The following UPF3B variants were observed in gnomAD, a reference collection of about 807,000 sequenced individuals.
UPF3B encodes the protein regulator of nonsense transcripts 3B.
In UPF3B, 7 loss-of-function variants were observed where a neutral mutation model predicts 40.3. The ratio of observed to expected loss-of-function variants is 0.17; its 90% confidence interval spans 0.10 to 0.33. The LOEUF (loss-of-function observed/expected upper bound fraction) is 0.33, where lower values mean the gene tolerates loss of function less well. Ranked by LOEUF, UPF3B falls within the 10% of genes least tolerant of loss-of-function variation. The pLI is 1.00. For synonymous variants in UPF3B, 117 were observed against 117.3 expected (o/e 1.00, Z 0.01); for missense variants, 229 against 358.9 (o/e 0.64, Z 2.93).
chrX:119,829,255 C>T (rs993719745), downstream of UPF3B, among the ~76,000 whole-genome samples: 7 of 111,851 alleles, frequency 6.3e-5, no homozygotes, highest in Non-Finnish European at 1.1e-4. Flanking sequence ...CTCCTGACCT[C>T]GTGATCTGCC....
intron 3 of UPF3B, among the ~76,000 whole-genome samples, chrX:119,851,211 T>A (rs1004055703): frequency 1.7e-4 from 19 of 112,393 alleles, no homozygotes; most frequent in African/African-American, 6.1e-4. Context: ...GAGTCACTTA[T>A]CAGTACTGCG....
chrX:119,813,678 C>T (rs188205459), intron 5 of UPF3B, among the ~76,000 whole-genome samples: 1 of 108,427 alleles, frequency 9.2e-6, no homozygotes, highest in East Asian at 2.9e-4. Context: ...TCTCCTGCCT[C>T]GGCCTCCCGA....
chrX:119,831,691 G>C, downstream of UPF3B: 62 of 754,539 alleles, frequency 8.2e-5, no homozygotes, highest in Non-Finnish European at 9.5e-5. Context: ...AGTTGGTGCT[G>C]TCATCAGGAA....
chrX:119,841,365 CT>C, intron 6 of UPF3B, 107 bp from the exon 7 acceptor site: 2 of 1,154,213 alleles, frequency 1.7e-6, no homozygotes, highest in African/African-American at 3.6e-5. Flanking sequence ...TTCCTTCCTA[CT>C]TTCTACAAAG....
In UPF3B at chrX:119,852,863, G is replaced by A. The variant is rs890947408; in HGVS notation, c.66C>T (p.Ala22=). The A allele has an allele frequency of 2.5e-6, 3 of 1,212,211 alleles. No homozygotes were observed. Among genetic ancestry groups the A allele is most frequent in the Non-Finnish European group, 3.3e-6 (3 of 895,581 alleles). The part of the protein sequence containing the change: ...KRVTLLTPAG[A]TGSGGGTSGD... Reference sequence around the variant, plus strand: ...CCGAGGTCCCACCACCGCTGCCTGTGGCCCCGGCGGGGGTTAACAGGGTTA... The same window carrying A: ...CCGAGGTCCCACCACCGCTGCCTGTAGCCCCGGCGGGGGTTAACAGGGTTA... Residue 22 remains alanine, a synonymous_variant, in exon 1 of 11, where the codon GCC becomes GCT. Coordinates refer to ENST00000276201, the MANE Select transcript of UPF3B (RefSeq NM_080632.3).
intron 8 of UPF3B, 44 bp downstream of exon 8, chrX:119,840,602 G>A: frequency 8.6e-7 from 1 of 1,157,764 alleles, no homozygotes; most frequent in Non-Finnish European, 1.2e-6. Context: ...ACCTGTGTGT[G>A]TGACATGATA....
rs376342652 is a variant in UPF3B at position 119,849,586 on chromosome X, T to C, written c.370+1909A>G. 3.9e-4 allele frequency among the ~76,000 whole-genome samples: 42 copies of C among 109,010 alleles called. No homozygotes were observed. In the East Asian group the frequency reaches 6.6e-3, roughly 17 times the overall value. 94.7% of individuals were successfully genotyped at this position (109,010 alleles called of 115,157 possible). ...TGTGATATATTTGAGAAGGAATAGATAAACCAGACTGAAACAGAGGGAAAT... is the reference window on the plus strand; with the variant it reads ...TGTGATATATTTGAGAAGGAATAGACAAACCAGACTGAAACAGAGGGAAAT... On this transcript the variant is annotated intron_variant, in intron 3 of 10. Transcript: ENST00000276201.
At chrX:119,828,575 G>A (rs749804957) in intron 3 of UPF3B, among the ~76,000 whole-genome samples, 38 of 109,845 alleles carry the variant, frequency 3.5e-4, no homozygotes, top group African/African-American at 1.1e-3. Flanking sequence ...AAGAAGCTGT[G>A]GTGGGAGAAT....
At chrX:119,817,329 T>C (rs932129728) in intron 4 of UPF3B, among the ~76,000 whole-genome samples, 3 of 111,802 alleles carry the variant, frequency 2.7e-5, no homozygotes, top group African/African-American at 9.7e-5. Flanking sequence ...CTTACAATCA[T>C]GGCAGAAGGG....
At chrX:119,836,656 T>C (rs1050399743) in intron 10 of UPF3B, among the ~76,000 whole-genome samples, 1 of 108,278 alleles carries the variant, frequency 9.2e-6, no homozygotes, top group Non-Finnish European at 1.9e-5. Context: ...TATTCGATTT[T>C]TTTTTTTTTT....
intron 4 of UPF3B, among the ~76,000 whole-genome samples, chrX:119,844,929 C>T (rs778678484): frequency 8.9e-6 from 1 of 112,202 alleles, no homozygotes; most frequent in South Asian, 3.6e-4. Flanking sequence ...ATCAATAAAC[C>T]TATGGTGATT....
At chrX:119,831,218 G>A, downstream of UPF3B, among the ~76,000 whole-genome samples, 1 of 111,433 alleles carries the variant, frequency 9.0e-6, no homozygotes, top group Non-Finnish European at 1.9e-5. Flanking sequence ...CTATTCTTTT[G>A]CCCTGAAGGC....
chrX:119,819,952 C>T (rs1197871756), intron 4 of UPF3B, among the ~76,000 whole-genome samples: 1 of 102,997 alleles, frequency 9.7e-6, no homozygotes, highest in Non-Finnish European at 2.0e-5. Context: ...TCAAACGATT[C>T]TCTAGCCTCA....
At chrX:119,809,750 A>G (rs143499290) in intron 5 of UPF3B, among the ~76,000 whole-genome samples, 1 of 111,593 alleles carries the variant, frequency 9.0e-6, no homozygotes, top group Non-Finnish European at 1.9e-5. Flanking sequence ...ACCAAAACAA[A>G]CTGGTACTAA....
chrX:119,808,314 A>G (rs2055807751), intron 5 of UPF3B, among the ~76,000 whole-genome samples: 1 of 108,961 alleles, frequency 9.2e-6, no homozygotes, highest in Admixed American at 1.0e-4. Flanking sequence ...ATATCAATTA[A>G]AGATGGATTT....
chrX:119,841,951 C>T (rs954890558), intron 5 of UPF3B, among the ~76,000 whole-genome samples, 173 bp from the exon 6 acceptor site: 2 of 111,969 alleles, frequency 1.8e-5, no homozygotes, highest in African/African-American at 3.2e-5. Context: ...TTCAACAATA[C>T]GGGATTAAAA....
Position 119,838,525 on chromosome X carries a change from C to T in UPF3B, c.849G>A (p.Leu283=). The change falls in exon 9 of 11, where the codon CTG becomes CTA. Residue 283 remains leucine (L), a splice_region_variant and synonymous_variant. Coordinates refer to ENST00000276201, the MANE Select transcript of UPF3B (RefSeq NM_080632.3). ...CATCTCCTTTTTCTGGCTTCTTGAG[C>T]AGCTTTAAAGATAAAATGTTTATTT... The part of the protein sequence containing the change: ...FLLQAVNQKN[L]LKKPEKGDEK... The T allele has an allele frequency of 8.3e-7, 1 of 1,209,477 alleles. No individual in the cohort carries two copies.
At chrX:119,814,100 A>G (rs1386677560) in intron 5 of UPF3B, among the ~76,000 whole-genome samples, 1 of 111,977 alleles carries the variant, frequency 8.9e-6, no homozygotes, top group Non-Finnish European at 1.9e-5. Context: ...TACTCACTAC[A>G]CTTAACTTCA....
At chrX:119,807,441 T>C in intron 6 of UPF3B, 2 of 877,131 alleles carry the variant, frequency 2.3e-6, no homozygotes, top group East Asian at 1.5e-4. Context: ...TAACACTCCC[T>C]TCCTCCTTCT....
Sources: gnomAD v4.1 joint callset for allele counts (sites outside exome capture counted in the v4.1 genomes callset) on GRCh38, gnomAD v4.1.1 for gene constraint, MANE v1.5 for transcripts, NCBI Gene and HGNC (gene_info 2026-07-23, HGNC 2026-07-21) for gene names.